Variants in KCND3 observed in about 807,000 individuals in gnomAD.
KCND3 encodes A-type voltage-gated potassium channel KCND3.
In KCND3, 9 loss-of-function variants were observed where a neutral mutation model predicts 51.1. That is an observed-to-expected ratio of 0.18 (90% confidence interval 0.11 to 0.31). The LOEUF is 0.31. KCND3 is among the 10% of genes least tolerant of loss of function. KCND3 has a pLI of 1.00. For missense variants in KCND3, 526 were observed against 903.8 expected (o/e 0.58, Z 5.36); for synonymous variants, 349 against 368.0 (o/e 0.95, Z 0.59).
At chr1:111,838,529 C>T (rs971436780) in intron 2 of KCND3, among the ~76,000 whole-genome samples, 65 of 151,804 alleles carry the variant, frequency 4.3e-4, no homozygotes, top group Admixed American at 4.6e-4. Flanking sequence ...TGGTGGCAGG[C>T]GCCTGTAATC....
intron 2 of KCND3, among the ~76,000 whole-genome samples, chr1:111,815,888 C>G (rs1048794804): frequency 2.0e-5 from 3 of 152,026 alleles, no homozygotes; most frequent in Non-Finnish European, 4.4e-5. Flanking sequence ...GATGTTCCCC[C>G]CCCACACAAA....
intron 2 of KCND3, among the ~76,000 whole-genome samples, chr1:111,933,536 T>A (rs1672076540): frequency 6.6e-6 from 1 of 152,012 alleles, no homozygotes; most frequent in Non-Finnish European, 1.5e-5. Flanking sequence ...TATTGCAGCA[T>A]CTCTTAAGAT....
intron 2 of KCND3, among the ~76,000 whole-genome samples, chr1:111,971,295 C>A (rs1250075445): frequency 4.4e-5 from 6 of 134,840 alleles, no homozygotes; most frequent in Admixed American, 7.4e-5. Context: ...TTGCAGGAGG[C>A]AAAAAAAAAA....
At position 111,785,104 on chromosome 1, in the gene KCND3, G is replaced by A. The variant is rs543498817; in HGVS notation, c.1269+1840C>T. On this transcript the variant is annotated intron_variant, in intron 3 of 7. Coordinates refer to ENST00000302127, the MANE Select transcript of KCND3 (RefSeq NM_001378969.1). ...AGGTGAAGTAAAGGTAGCTGTAGGA[G>A]CCACTGAGAACACAGCTGGAATGGG... 1.1e-4 allele frequency among the ~76,000 whole-genome samples: 17 copies of A among 152,286 alleles called. No homozygotes were observed. The South Asian group carries it at 3.1e-3, about 28-fold the overall frequency.
chr1:111,982,082 C>T lies in KCND3; in HGVS notation c.645G>A (p.Glu215=). 1.2e-6 allele frequency: 2 copies of T among 1,613,812 alleles called. No homozygotes were observed. The highest frequency in any genetic ancestry group is 1.7e-6 in the Non-Finnish European group (2 of 1,179,976). ...CCGAGTAGCGCTCCCCGCACGGCAG[C>T]TCCTTGCTGCCCGGGACCGTGCCGC... The part of the protein sequence containing the change: ...VPCGTVPGSK[E]LPCGERYSVA... The change falls in exon 2 of 8, where the codon GAG becomes GAA. Residue 215 remains glutamate (E), a synonymous_variant. Coordinates refer to ENST00000302127, the MANE Select transcript of KCND3 (RefSeq NM_001378969.1). This position sits in a 1 kb window ranked among gnomAD's most constrained non-coding sequence, Gnocchi z 8.5.
chr1:111,835,899 C>T (rs1455959214), intron 2 of KCND3, among the ~76,000 whole-genome samples: 2 of 152,178 alleles, frequency 1.3e-5, no homozygotes, highest in African/African-American at 4.8e-5. Flanking sequence ...ATAGGCTCAC[C>T]TCAAATTCTT....
chr1:111,859,044 G>GT (rs756841598), intron 2 of KCND3, among the ~76,000 whole-genome samples: 10 of 152,114 alleles, frequency 6.6e-5, no homozygotes, highest in Non-Finnish European at 1.3e-4. Context: ...CTCATGTCCA[G>GT]TTTTTTTCTC....
chr1:111,858,085 C>T (rs954990063), intron 2 of KCND3, among the ~76,000 whole-genome samples: 32 of 152,112 alleles, frequency 2.1e-4, no homozygotes, highest in African/African-American at 7.5e-4. Context: ...TACATCTCAG[C>T]GAAAGGCACC....
chr1:111,900,842 A>C (rs1357189755), intron 2 of KCND3, among the ~76,000 whole-genome samples: 2 of 152,196 alleles, frequency 1.3e-5, no homozygotes, highest in African/African-American at 4.8e-5. Flanking sequence ...CTGTAATCCC[A>C]GCTACTTGGG....
chr1:111,883,274 A>G (rs538475886), intron 2 of KCND3, among the ~76,000 whole-genome samples: 1 of 152,360 alleles, frequency 6.6e-6, no homozygotes, highest in Admixed American at 6.5e-5. Flanking sequence ...GTTACTTTCT[A>G]CAAATGAAGA....
At chr1:111,848,679 C>A (rs1667673623) in intron 2 of KCND3, among the ~76,000 whole-genome samples, 1 of 152,206 alleles carries the variant, frequency 6.6e-6, no homozygotes, top group Non-Finnish European at 1.5e-5. Context: ...GCCCACCCAG[C>A]AGAAGTCCTG....
At chr1:111,907,340 T>C (rs567138375) in intron 2 of KCND3, among the ~76,000 whole-genome samples, 2 of 152,362 alleles carry the variant, frequency 1.3e-5, no homozygotes, top group Middle Eastern at 3.4e-3. Flanking sequence ...TGCCCTTGTG[T>C]GTGGGCTGGA....
rs777705168 is a variant in KCND3, at chr1:111,780,385, C to T, written c.1372-71G>A. On this transcript the variant is annotated intron_variant, in intron 4 of 7. Coordinates refer to ENST00000302127, the MANE Select transcript of KCND3 (RefSeq NM_001378969.1). This position sits in a 1 kb window ranked among gnomAD's most constrained non-coding sequence, Gnocchi z 4.2. ...CCCCTCTCCAGCTCCTTCATTTCTC[C>T]ACTAAAGGTCAAAGGGCAATAGAAT... is the stretch of plus-strand genomic sequence containing the variant. 285 of 1,378,634 alleles carry T rather than the reference C, an allele frequency of 2.1e-4. No individual in the cohort carries two copies. Among genetic ancestry groups the T allele is most frequent in the Non-Finnish European group, 2.6e-4 (257 of 989,584 alleles). 85.4% of individuals were successfully genotyped at this position (1,378,634 alleles called of 1,614,324 possible).
intron 2 of KCND3, among the ~76,000 whole-genome samples, chr1:111,920,699 G>A (rs1002395896): frequency 2.6e-5 from 4 of 152,224 alleles, no homozygotes; most frequent in Admixed American, 1.3e-4. Context: ...CATGCTCTGC[G>A]GGTCCCCACT....
chr1:111,847,711 C>A (rs965550482), intron 2 of KCND3, among the ~76,000 whole-genome samples: 1 of 152,100 alleles, frequency 6.6e-6, no homozygotes, highest in South Asian at 2.1e-4. Flanking sequence ...CCCTTCAGCA[C>A]GAGGTAATGG....
At chr1:111,942,622 C>G (rs369589991) in intron 2 of KCND3, among the ~76,000 whole-genome samples, 1 of 152,232 alleles carries the variant, frequency 6.6e-6, no homozygotes, top group South Asian at 2.1e-4. Context: ...CTACACCCAT[C>G]GCTGGCTTCT....
chr1:111,860,534 C>T (rs1260654613), intron 2 of KCND3, among the ~76,000 whole-genome samples: 1 of 152,078 alleles, frequency 6.6e-6, no homozygotes, highest in Non-Finnish European at 1.5e-5. Context: ...TTCTCAGTCC[C>T]CCACCCCCCC....
chr1:111,909,584 G>C (rs1213725930), intron 2 of KCND3: 1 of 152,192 alleles, frequency 6.6e-6, no homozygotes, highest in Non-Finnish European at 1.5e-5. Flanking sequence ...GTTCTTTTCG[G>C]TGCCGAGAAG....
At chr1:111,805,340 A>C (rs372582378) in intron 2 of KCND3, among the ~76,000 whole-genome samples, 40 of 152,086 alleles carry the variant, frequency 2.6e-4, no homozygotes, top group African/African-American at 8.9e-4. Context: ...CTGGCCAGAG[A>C]TCCACCGCCA....
Sources: allele counts gnomAD v4.1 joint callset (sites outside exome capture counted in the v4.1 genomes callset), GRCh38; gene constraint gnomAD v4.1.1; non-coding constraint Gnocchi (gnomAD v3.1); transcripts MANE v1.5; gene names NCBI Gene and HGNC (gene_info 2026-07-23, HGNC 2026-07-21).